The following CATSPERB variants were observed in gnomAD, a reference collection of about 807,000 sequenced individuals.
The protein encoded by CATSPERB is catsper channel auxiliary subunit beta.
In CATSPERB, 93 loss-of-function variants were observed where a neutral mutation model predicts 128.3. That is an observed-to-expected ratio of 0.72 (90% CI 0.61 to 0.86). The LOEUF is 0.86. CATSPERB is among the 40% of genes least tolerant of loss of function. The pLI is 0.00. For synonymous variants in CATSPERB, 381 were observed against 448.8 expected (o/e 0.85, Z 1.91); for missense variants, 1,153 against 1,329.5 (o/e 0.87, Z 2.06).
At chr14:91,687,950 C>CAA (rs11404420) in intron 10 of CATSPERB, among the ~76,000 whole-genome samples, 9,736 of 116,946 alleles carry the variant, frequency 0.083, 516 homozygotes, top group East Asian at 0.16. Flanking sequence ...GAGAGTGTCT[C>CAA]AAAAAAAAAA....
chr14:91,624,918 G>A lies in CATSPERB; in HGVS notation c.1832C>T (p.Pro611Leu). 1 of 1,612,734 alleles carries A rather than the reference G, an allele frequency of 6.2e-7. No homozygotes were observed. The highest frequency in any genetic ancestry group is 2.2e-5 in the East Asian group (1 of 44,786). ...CTCATTCACTTCTTCTAATCCAAAG[G>A]GCTCTTTCATTTCTGCAATAACTGA... ...LSSVIAEMKE[P>L]FGLEEVNESS... The change falls in exon 18 of 27, where the codon CCC (proline) becomes CTC (leucine). Residue 611 changes from proline to leucine, a missense_variant. Physicochemically the swap from Pro to Leu is moderately conservative, Grantham distance 98. Coordinates refer to ENST00000256343, the MANE Select transcript of CATSPERB (RefSeq NM_024764.4).
chr14:91,659,803 G>A (rs1894843463), intron 15 of CATSPERB, 34 bp downstream of exon 15: 2 of 1,582,206 alleles, frequency 1.3e-6, no homozygotes, highest in South Asian at 2.3e-5. Flanking sequence ...TGGGCCACAT[G>A]TAATGCTTAC....
At chr14:91,671,749 C>T (rs548789793) in intron 13 of CATSPERB, among the ~76,000 whole-genome samples, 7 of 151,804 alleles carry the variant, frequency 4.6e-5, no homozygotes, top group Admixed American at 3.3e-4. Flanking sequence ...GGTACCTAAC[C>T]GTCCAGGCTC....
At chr14:91,585,374 C>T (rs765984298) in intron 26 of CATSPERB, among the ~76,000 whole-genome samples, 1 of 152,170 alleles carries the variant, frequency 6.6e-6, no homozygotes, top group Non-Finnish European at 1.5e-5. Flanking sequence ...TCACACAGAT[C>T]CCTGAGGCAA....
chr14:91,704,563 G>T lies in CATSPERB; in HGVS notation c.605C>A (p.Thr202Lys), dbSNP rs763211652. The change falls in exon 7 of 27, where the codon ACA becomes AAA. Residue 202 changes from threonine to lysine, a missense_variant. Transcript: ENST00000256343. ...AGCTGTAGACCTACCATCAACTATT[G>T]TATCCACAATGAAGCCTAGTAATGC... ...DVALLGFIVD[T>K]IVDGVYIGIT... 6.2e-7 allele frequency: 1 copy of T among 1,612,870 alleles called. No individual in the cohort carries two copies. The highest frequency in any genetic ancestry group is 8.5e-7 in the Non-Finnish European group (1 of 1,179,456).
At chr14:91,723,002 T>C (rs759240546) in intron 4 of CATSPERB, 47 bp downstream of exon 4, 2 of 1,367,414 alleles carry the variant, frequency 1.5e-6, no homozygotes, top group Admixed American at 2.7e-5. Flanking sequence ...AGGAAGAGTA[T>C]GCTTCTTGTT....
intron 1 of CATSPERB, among the ~76,000 whole-genome samples, chr14:91,731,137 T>C (rs1367718839): frequency 2.0e-5 from 3 of 152,204 alleles, no homozygotes; most frequent in African/African-American, 7.2e-5. Context: ...ATTAGAATCT[T>C]TATGCCTCTT....
Position 91,608,513 on chromosome 14 carries a change from T to G in CATSPERB, c.2599-109A>C, listed in dbSNP as rs528666799. The G allele has an allele frequency of 5.7e-4, 377 of 659,960 alleles. 1 individual carries two copies. The African/African-American group carries it at 6.3e-3, about 11-fold the overall frequency. The allele number at this position is 659,960 out of a possible 1,614,324, so 40.9% of individuals were successfully genotyped here. On this transcript the variant is annotated intron_variant, in intron 21 of 26. Transcript: ENST00000256343. The stretch of plus-strand genomic sequence containing the variant: ...TCAAGGCAAAAATTCAATTTTTAGC[T>G]ACAGGTATTAAAGTAAATTTATCTC...
intron 14 of CATSPERB, among the ~76,000 whole-genome samples, chr14:91,667,816 C>T (rs1351827921): frequency 7.2e-5 from 11 of 152,216 alleles, no homozygotes; most frequent in Non-Finnish European, 1.5e-4. Context: ...AACTCTTATA[C>T]CAACCTCTGG....
At chr14:91,702,675 A>AACACAC (rs71461951) in intron 7 of CATSPERB, among the ~76,000 whole-genome samples, 15,008 of 145,468 alleles carry the variant, frequency 0.1, 919 homozygotes, top group Non-Finnish European at 0.13. Flanking sequence ...CAAAAAAGAA[A>AACACAC]ACACACACAC....
intron 18 of CATSPERB, among the ~76,000 whole-genome samples, chr14:91,624,523 C>A (rs1197005615): frequency 6.6e-6 from 1 of 152,108 alleles, no homozygotes; most frequent in Non-Finnish European, 1.5e-5. Context: ...TGCCTGTAAT[C>A]CCAGCTACTC....
intron 10 of CATSPERB, 94 bp from the exon 11 acceptor site, chr14:91,684,037 A>G (rs1057377463): frequency 1.1e-5 from 9 of 805,496 alleles, no homozygotes; most frequent in East Asian, 2.7e-5. Flanking sequence ...TCAAAGTTTG[A>G]TAGTTCAGGA....
intron 10 of CATSPERB, 143 bp downstream of exon 10, chr14:91,691,380 A>T (rs567181509): frequency 5.7e-4 from 216 of 382,118 alleles, no homozygotes; most frequent in South Asian, 3.7e-3. Context: ...CATATATATA[A>T]AAAAATATAT....
intron 1 of CATSPERB, among the ~76,000 whole-genome samples, chr14:91,731,648 TC>T (rs2139787714): frequency 6.6e-6 from 1 of 152,300 alleles, no homozygotes; most frequent in South Asian, 2.1e-4. Context: ...TTCTTTTTCC[TC>T]ATCACACTCC....
intron 15 of CATSPERB, among the ~76,000 whole-genome samples, chr14:91,655,913 G>A (rs1283169418): frequency 2.6e-5 from 4 of 152,060 alleles, no homozygotes; most frequent in African/African-American, 7.2e-5. Context: ...AACTCCCAAA[G>A]GTCAAGGATA....
intron 15 of CATSPERB, among the ~76,000 whole-genome samples, chr14:91,651,634 T>C (rs558893030): frequency 1.9e-4 from 29 of 152,196 alleles, no homozygotes; most frequent in Non-Finnish European, 3.4e-4. Flanking sequence ...TGACCACTTA[T>C]GCCTGGCAAA....
intron 2 of CATSPERB, among the ~76,000 whole-genome samples, chr14:91,725,856 C>T (rs1415701527): frequency 1.3e-5 from 2 of 152,190 alleles, no homozygotes; most frequent in Non-Finnish European, 2.9e-5. Context: ...CCAGAAGTTG[C>T]CTTTTGGCCC....
intron 3 of CATSPERB, among the ~76,000 whole-genome samples, 165 bp from the exon 4 acceptor site, chr14:91,723,354 A>G (rs1896065879): frequency 6.6e-6 from 1 of 152,178 alleles, no homozygotes; most frequent in Non-Finnish European, 1.5e-5. Context: ...TGCTAGCATC[A>G]TAAAGGTTTC....
intron 18 of CATSPERB, 52 bp from the exon 19 acceptor site, chr14:91,621,989 C>T: frequency 8.3e-7 from 1 of 1,211,852 alleles, no homozygotes; most frequent in Admixed American, 2.6e-5. Context: ...CCGATGTTTG[C>T]CAAACAAACT....
Sources: gnomAD v4.1 joint callset for allele counts (sites outside exome capture counted in the v4.1 genomes callset) on GRCh38, gnomAD v4.1.1 for gene constraint, MANE v1.5 for transcripts, NCBI Gene and HGNC (gene_info 2026-07-23, HGNC 2026-07-21) for gene names.